The following MS4A18 variants were observed in gnomAD, a reference collection of about 807,000 sequenced individuals.
The protein encoded by MS4A18 is membrane spanning 4-domains A18, also known as membrane-spanning 4-domains subfamily A member 18.
Under a neutral mutation model 13.1 loss-of-function variants are expected in MS4A18, and 27 were observed. The observed-to-expected ratio is 2.06, with a 90% CI of 1.52 to 2.84. The LOEUF is 2.84. MS4A18 is among the 30% of genes most tolerant of loss of function. The pLI, the probability that MS4A18 is intolerant of heterozygous loss-of-function variation, is 0.00. For missense variants in MS4A18, 307 were observed against 196.4 expected, an observed-to-expected ratio of 1.56 and a Z score of -3.37; for synonymous variants, 126 against 76.5, an observed-to-expected ratio of 1.65 and a Z score of -3.38.
At chr11:60,731,767 C>T (rs972947556) in intron 1 of MS4A18, among the ~76,000 whole-genome samples, 9 of 152,110 alleles carry the variant, frequency 5.9e-5, no homozygotes, top group Admixed American at 4.6e-4. Flanking sequence ...CCAGTGTTTC[C>T]GAAGTAAACA....
At chr11:60,743,810 G>C (rs760649662) in exon 6 of MS4A18, 1 of 700,046 alleles carries the variant, frequency 1.4e-6, no homozygotes, top group South Asian at 1.5e-5. Context: ...ACCACCACCA[G>C]CCCTGTCAAC....
upstream of MS4A18, among the ~76,000 whole-genome samples, chr11:60,724,857 G>A (rs1190366598): frequency 6.6e-6 from 1 of 152,184 alleles, no homozygotes; most frequent in Non-Finnish European, 1.5e-5. Flanking sequence ...CAGCAGAGAC[G>A]TGGACCTAGG....
exon 1 of MS4A18, chr11:60,729,665 C>T: frequency 2.8e-6 from 2 of 702,752 alleles, no homozygotes; most frequent in East Asian, 2.7e-5. Context: ...CTTCAGAATC[C>T]TCTGAATGCT....
At chr11:60,740,912 C>G in intron 4 of MS4A18, 118 bp from the exon 6 acceptor site, 1 of 672,870 alleles carries the variant, frequency 1.5e-6, no homozygotes, top group East Asian at 2.7e-5. Flanking sequence ...CTCCAAAGGG[C>G]CACATGCAGA....
chr11:60,727,985 A>C (rs1277700568), upstream of MS4A18, among the ~76,000 whole-genome samples: 2 of 152,206 alleles, frequency 1.3e-5, no homozygotes, highest in Non-Finnish European at 2.9e-5. Context: ...ATTCAGTAGA[A>C]ACTGCAGGCT....
chr11:60,727,607 A>G (rs993268127), upstream of MS4A18, among the ~76,000 whole-genome samples: 1 of 152,200 alleles, frequency 6.6e-6, no homozygotes, highest in Non-Finnish European at 1.5e-5. Flanking sequence ...TGATTTAGTG[A>G]GGACAGAAAG....
exon 2 of MS4A18, chr11:60,733,568 T>C (rs1282211813): frequency 4.3e-6 from 3 of 703,352 alleles, no homozygotes; most frequent in Non-Finnish European, 5.2e-6. Context: ...ACGCACATTT[T>C]CTCTGCAATT....
At chr11:60,726,926 T>C (rs1853169955), upstream of MS4A18, among the ~76,000 whole-genome samples, 1 of 151,698 alleles carries the variant, frequency 6.6e-6, no homozygotes, top group Non-Finnish European at 1.5e-5. Flanking sequence ...CTCCCTCCCC[T>C]TGCCCCCCAA....
intron 2 of MS4A18, among the ~76,000 whole-genome samples, chr11:60,734,731 G>A (rs548345186): frequency 1.3e-5 from 2 of 151,850 alleles, no homozygotes; most frequent in South Asian, 4.2e-4. Flanking sequence ...GATAAAAGGA[G>A]ATCTTGGGGT....
At chr11:60,727,641 G>A (rs959286379), upstream of MS4A18, among the ~76,000 whole-genome samples, 1 of 152,098 alleles carries the variant, frequency 6.6e-6, no homozygotes, top group African/African-American at 2.4e-5. Context: ...TACCTCTGGG[G>A]TCCTGCACAC....
exon 1 of MS4A18, chr11:60,729,716 A>C: frequency 2.8e-6 from 2 of 702,806 alleles, no homozygotes; most frequent in Non-Finnish European, 5.2e-6. Context: ...TCCCAGTGGA[A>C]CACGTCATTT....
chr11:60,743,970 C>A, exon 6 of MS4A18: 1 of 702,806 alleles, frequency 1.4e-6, no homozygotes, highest in Non-Finnish European at 2.6e-6. Flanking sequence ...GCAATGTACC[C>A]CCGAACCCTC....
downstream of MS4A18, chr11:60,744,297 G>A (rs987792646): frequency 1.2e-5 from 4 of 328,522 alleles, no homozygotes; most frequent in East Asian, 7.1e-5. Flanking sequence ...TTGAAAAACC[G>A]GTTCTAAATC....
At chr11:60,728,469 T>C (rs1853198570), upstream of MS4A18, among the ~76,000 whole-genome samples, 1 of 151,150 alleles carries the variant, frequency 6.6e-6, no homozygotes, top group Non-Finnish European at 1.5e-5. Context: ...TCTATGTCTG[T>C]GTTATCTGTC....
exon 6 of MS4A18, chr11:60,744,151 C>A (rs1219355984): frequency 1.7e-6 from 1 of 588,714 alleles, no homozygotes; most frequent in Non-Finnish European, 3.0e-6. Flanking sequence ...CTCTTCACTC[C>A]TAAGCTTCAT....
At chr11:60,742,399 A>T (rs1452583153) in intron 5 of MS4A18, among the ~76,000 whole-genome samples, 1 of 152,188 alleles carries the variant, frequency 6.6e-6, no homozygotes, top group Non-Finnish European at 1.5e-5. Flanking sequence ...AAATTCCCTT[A>T]AAAACTCCAA....
upstream of MS4A18, among the ~76,000 whole-genome samples, chr11:60,727,442 C>T (rs1176370263): frequency 6.6e-6 from 1 of 152,196 alleles, no homozygotes; most frequent in East Asian, 1.9e-4. Context: ...GCTCTTAACC[C>T]TGATACTGTC....
chr11:60,728,418 G>A (rs577109301), upstream of MS4A18, among the ~76,000 whole-genome samples: 1 of 151,782 alleles, frequency 6.6e-6, no homozygotes, highest in South Asian at 2.1e-4. Flanking sequence ...GTGTGTGTGT[G>A]TGTGTGTGTG....
chr11:60,743,885 T>C, exon 6 of MS4A18: 1 of 703,132 alleles, frequency 1.4e-6, no homozygotes, highest in Non-Finnish European at 2.6e-6. Context: ...CCTGTCAATG[T>C]GACAACTGGC....
Sources: gnomAD v4.1 joint callset for allele counts (sites outside exome capture counted in the v4.1 genomes callset) on GRCh38, gnomAD v4.1.1 for gene constraint, MANE v1.5 for transcripts, NCBI Gene and HGNC (gene_info 2026-07-23, HGNC 2026-07-21) for gene names.